The following SCARA5 variants were observed in gnomAD, a reference collection of about 807,000 sequenced individuals.
SCARA5 encodes scavenger receptor class A, member 5 (putative).
In SCARA5, 45 loss-of-function variants were observed where a neutral mutation model predicts 46.3. The ratio of observed to expected loss-of-function variants is 0.97; its 90% CI spans 0.76 to 1.24. The LOEUF (loss-of-function observed/expected upper bound fraction) is 1.24, where lower values mean the gene tolerates loss of function less well. SCARA5 is among the 50% of genes most tolerant of loss of function. The pLI is 0.00. For missense variants in SCARA5, 680 were observed against 689.0 expected (o/e 0.99, Z 0.15); for synonymous variants, 333 against 306.5 (o/e 1.09, Z -0.90).
intron 2 of SCARA5, among the ~76,000 whole-genome samples, chr8:27,986,106 T>C (rs903247152): frequency 6.6e-6 from 1 of 152,198 alleles, no homozygotes; most frequent in African/African-American, 2.4e-5. Context: ...CCTTTGCTGA[T>C]GTGCCAGTGG....
intron 3 of SCARA5, among the ~76,000 whole-genome samples, chr8:27,933,292 C>T (rs1392444684): frequency 2.6e-5 from 4 of 151,878 alleles, no homozygotes; most frequent in Admixed American, 2.0e-4. Flanking sequence ...GAGGCTGAGG[C>T]GGGTGAACCA....
intron 7 of SCARA5, among the ~76,000 whole-genome samples, chr8:27,883,881 T>C (rs553525376): frequency 6.6e-6 from 1 of 152,336 alleles, no homozygotes; most frequent in African/African-American, 2.4e-5. Flanking sequence ...TCCTGGACTT[T>C]TGTTTTTCCT....
rs117379159 is a variant in SCARA5 at position 27,932,533 on chromosome 8, G to A, written c.242-10288C>T. Reference sequence around the variant, plus strand: ...GAAGTCTGAGATCAAGGTGCCACCAGGCTGGTGTCTCCTGAGGCCTCTCCT... The same window carrying A: ...GAAGTCTGAGATCAAGGTGCCACCAAGCTGGTGTCTCCTGAGGCCTCTCCT... On this transcript the variant is annotated intron_variant, in intron 3 of 8. Coordinates refer to ENST00000354914, the MANE Select transcript of SCARA5 (RefSeq NM_173833.6). 5.5e-4 allele frequency among the ~76,000 whole-genome samples: 84 copies of A among 152,326 alleles called. 1 individual carries two copies. The East Asian group carries it at 0.016, about 28-fold the overall frequency.
In SCARA5 at chr8:27,871,028, G is replaced by C. The variant is rs990959433; in HGVS notation, c.*906C>G. 7.9e-5 allele frequency: 12 copies of C among 152,236 alleles called. No homozygotes were observed. Among genetic ancestry groups the C allele is most frequent in the African/African-American group, 2.9e-4 (12 of 41,444 alleles). 9.4% of individuals were successfully genotyped at this position (152,236 alleles called of 1,614,324 possible). The stretch of plus-strand genomic sequence containing the variant: ...CTGGAAGCCAGTCATGTTTGACCTT[G>C]CACTCACGCCCTGGAGGTTCTGAAG... On this transcript the variant is annotated 3_prime_UTR_variant, in exon 9 of 9. Transcript: ENST00000354914.
At chr8:27,932,048 G>A (rs899377809) in intron 3 of SCARA5, among the ~76,000 whole-genome samples, 7 of 151,524 alleles carry the variant, frequency 4.6e-5, no homozygotes, top group African/African-American at 1.5e-4. Flanking sequence ...GCGTCATCTC[G>A]GCTCACTGCA....
chr8:27,895,329 G>A (rs746312860), intron 7 of SCARA5, among the ~76,000 whole-genome samples: 51 of 152,320 alleles, frequency 3.3e-4, no homozygotes, highest in Middle Eastern at 3.4e-3. Context: ...CTGAGGCTGA[G>A]GTGACACTGC....
intron 3 of SCARA5, among the ~76,000 whole-genome samples, chr8:27,932,138 C>T (rs1160420607): frequency 1.3e-5 from 2 of 152,080 alleles, no homozygotes; most frequent in African/African-American, 4.8e-5. Flanking sequence ...CACCACCACA[C>T]CCAGCTAAAT....
At chr8:27,920,966 A>T (rs1454510629) in intron 4 of SCARA5, among the ~76,000 whole-genome samples, 1 of 152,140 alleles carries the variant, frequency 6.6e-6, no homozygotes, top group Non-Finnish European at 1.5e-5. Flanking sequence ...ACAGAGCGAG[A>T]CTCCGTCTCA....
chr8:27,938,081 A>C (rs183542551), intron 3 of SCARA5, among the ~76,000 whole-genome samples: 85 of 151,194 alleles, frequency 5.6e-4, no homozygotes, highest in African/African-American at 2.1e-3. Context: ...GCGGGTGCCC[A>C]TTTCCAAGCT....
At chr8:27,879,495 G>A (rs1806774659) in intron 8 of SCARA5, 74 bp downstream of exon 8, 8 of 1,441,942 alleles carry the variant, frequency 5.5e-6, no homozygotes, top group South Asian at 3.5e-5. Context: ...GAAGGGACTC[G>A]GGCTTTGGAG....
intron 3 of SCARA5, among the ~76,000 whole-genome samples, chr8:27,935,097 G>A (rs1344136047): frequency 3.9e-5 from 6 of 152,178 alleles, no homozygotes; most frequent in African/African-American, 1.2e-4. Context: ...GCAGGAAATC[G>A]ATTCTCCCTG....
intron 1 of SCARA5, among the ~76,000 whole-genome samples, chr8:27,991,233 C>T (rs971428130): frequency 4.6e-5 from 7 of 152,188 alleles, no homozygotes; most frequent in Non-Finnish European, 1.0e-4. Context: ...CACCCAGGAT[C>T]ACTGTGAGCC....
chr8:27,928,889 C>T (rs367941790), intron 3 of SCARA5, among the ~76,000 whole-genome samples: 1 of 152,088 alleles, frequency 6.6e-6, no homozygotes, highest in Non-Finnish European at 1.5e-5. Flanking sequence ...TGTTCTCAAA[C>T]TCCTGACCCA....
chr8:27,895,292 C>T (rs778264329), intron 7 of SCARA5, among the ~76,000 whole-genome samples: 2 of 152,198 alleles, frequency 1.3e-5, no homozygotes, highest in Non-Finnish European at 2.9e-5. Context: ...CCCGTGCCCC[C>T]AGCCGGCCTG....
chr8:27,981,800 T>C (rs1011424382), intron 2 of SCARA5, among the ~76,000 whole-genome samples: 2 of 152,154 alleles, frequency 1.3e-5, no homozygotes, highest in Non-Finnish European at 2.9e-5. Flanking sequence ...AGAGCCATGC[T>C]CTCTGCTTGG....
At position 27,870,045 on chromosome 8, in the gene SCARA5, A is replaced by G. The variant is rs1355233824; in HGVS notation, c.*1889T>C. ...TAGTAGACTTCCATTTTTAAGGTTC[A>G]CACACTTTTTAACATTGTTTTTATT... On this transcript the variant is annotated 3_prime_UTR_variant, in exon 9 of 9. Coordinates refer to ENST00000354914, the MANE Select transcript of SCARA5 (RefSeq NM_173833.6). 1 of 152,186 alleles carries G rather than the reference A, an allele frequency of 6.6e-6. No homozygotes were observed. The highest frequency in any genetic ancestry group is 1.5e-5 in the Non-Finnish European group (1 of 68,040). The allele number at this position is 152,186 out of a possible 1,614,324, so 9.4% of individuals were successfully genotyped here.
Position 27,871,163 on chromosome 8 carries a change from T to G in SCARA5, c.*771A>C, listed in dbSNP as rs1438845071. ...GTCTCAGTCATTTTGTCTTCTTACTTGCAGTCTAGGTGAATGGACCAGTTA... is the reference window on the plus strand; with the variant it reads ...GTCTCAGTCATTTTGTCTTCTTACTGGCAGTCTAGGTGAATGGACCAGTTA... On this transcript the variant is annotated 3_prime_UTR_variant, in exon 9 of 9. Transcript: ENST00000354914. 2 of 152,338 alleles carry G rather than the reference T, an allele frequency of 1.3e-5. No homozygotes were observed. Among genetic ancestry groups the G allele is most frequent in the Non-Finnish European group, 2.9e-5 (2 of 68,122 alleles). 9.4% of individuals were successfully genotyped at this position (152,338 alleles called of 1,614,324 possible). A position where few individuals can be genotyped will look rare whatever the true frequency, so the allele number is the denominator to read the frequency against.
At chr8:27,946,750 C>T (rs79330321) in intron 3 of SCARA5, among the ~76,000 whole-genome samples, 7 of 152,146 alleles carry the variant, frequency 4.6e-5, no homozygotes, top group Admixed American at 2.6e-4. Context: ...GAGAATCTGA[C>T]GAGGCCTCCT....
chr8:27,900,136 T>TAA (rs200462432), intron 7 of SCARA5, among the ~76,000 whole-genome samples: 6 of 141,938 alleles, frequency 4.2e-5, no homozygotes, highest in African/African-American at 7.6e-5. Flanking sequence ...AGACTCCATC[T>TAA]AAAAAAAAAA....
Sources: allele counts gnomAD v4.1 joint callset (sites outside exome capture counted in the v4.1 genomes callset), GRCh38; gene constraint gnomAD v4.1.1; transcripts MANE v1.5; gene names NCBI Gene and HGNC (gene_info 2026-07-23, HGNC 2026-07-21).